SGSM2: variants seen among roughly 807,000 people sequenced by gnomAD.
The protein encoded by SGSM2 is small G protein signaling modulator 2, also known as RUN and TBC1 domain containing 1.
Under a neutral mutation model 126.6 loss-of-function variants are expected in SGSM2, and 89 were observed. That is an observed-to-expected ratio of 0.70 (90% CI 0.59 to 0.84). SGSM2 has a LOEUF of 0.84. Ranked by LOEUF, SGSM2 falls within the 40% of genes least tolerant of loss-of-function variation. The pLI is 0.00. For synonymous variants in SGSM2, 614 were observed against 574.3 expected (o/e 1.07, Z -0.99); for missense variants, 1,404 against 1,416.6 (o/e 0.99, Z 0.14).
At position 2,338,774 on chromosome 17, in the gene SGSM2, A is replaced by AATATATATATATATATATAT. The variant is rs148031213; in HGVS notation, c.57+1044_57+1045insTATATATATATATATATATA. On this transcript the variant is annotated intron_variant, in intron 1 of 23. Transcript: ENST00000268989. ...CCTTGAGTCTCTATGCCGTCTCCCTAATATATATATATATAACCTCACGCC... is the reference window on the plus strand; with the variant it reads ...CCTTGAGTCTCTATGCCGTCTCCCTAATATATATATATATATATATATATATATATATATAACCTCACGCC... Among the ~76,000 whole-genome samples the AATATATATATATATATATAT allele has an allele frequency of 1.7e-3, 225 of 133,914 alleles. 3 individuals are homozygous for AATATATATATATATATATAT. The highest frequency in any genetic ancestry group is 4.3e-3 in the African/African-American group (160 of 37,058). 87.9% of individuals were successfully genotyped at this position (133,914 alleles called of 152,430 possible).
chr17:2,368,916 G>A (rs1379183106), intron 12 of SGSM2, among the ~76,000 whole-genome samples: 1 of 152,174 alleles, frequency 6.6e-6, no homozygotes, highest in African/African-American at 2.4e-5. Context: ...AGAGCCCTTG[G>A]CAGACTCGGT....
chr17:2,372,490 T>G lies in SGSM2; in HGVS notation c.1788+2T>G. On this transcript the variant is annotated splice_donor_variant, in intron 15 of 23. Coordinates refer to ENST00000268989, the MANE Select transcript of SGSM2 (RefSeq NM_014853.3). LOFTEE classifies it high-confidence loss of function. This position sits in a 1 kb window ranked among gnomAD's most constrained non-coding sequence, Gnocchi z 6.0. Reference sequence around the variant, plus strand: ...AGCAAGTATCAGAAGGACAAAAAGGTGCCAACCCTGGGGTTCCAGGGCCAC... The same window carrying G: ...AGCAAGTATCAGAAGGACAAAAAGGGGCCAACCCTGGGGTTCCAGGGCCAC... 2.5e-6 allele frequency: 4 copies of G among 1,596,438 alleles called. No homozygotes were observed. Among genetic ancestry groups the G allele is most frequent in the Non-Finnish European group, 3.4e-6 (4 of 1,175,104 alleles).
intron 2 of SGSM2, among the ~76,000 whole-genome samples, chr17:2,360,330 G>C (rs1047788675): frequency 6.6e-6 from 1 of 152,104 alleles, no homozygotes; most frequent in Non-Finnish European, 1.5e-5. Flanking sequence ...CTGGGCATCA[G>C]AGTGGGTCCC....
In SGSM2 at chr17:2,362,149, G is replaced by A; in HGVS notation, c.337G>A (p.Gly113Ser). The A allele has an allele frequency of 5.6e-6, 9 of 1,613,810 alleles. No individual in the cohort carries two copies. Among genetic ancestry groups the A allele is most frequent in the Non-Finnish European group, 6.8e-6 (8 of 1,179,980 alleles). ...CAGCCAGGAGGCCCTGCGGAGACAGGGCTCAGCCAGCGGGAAGGCCCCGGC... is the reference window on the plus strand; with the variant it reads ...CAGCCAGGAGGCCCTGCGGAGACAGAGCTCAGCCAGCGGGAAGGCCCCGGC... The part of the protein sequence containing the change: ...GVSQEALRRQ[G>S]SASGKAPALS... Residue 113 changes from glycine to serine, a missense_variant, in exon 4 of 24, where the codon GGC (glycine) becomes AGC (serine). Coordinates refer to ENST00000268989, the MANE Select transcript of SGSM2 (RefSeq NM_014853.3). This position sits in a 1 kb window ranked among gnomAD's most constrained non-coding sequence, Gnocchi z 4.9.
intron 2 of SGSM2, among the ~76,000 whole-genome samples, chr17:2,346,829 C>G (rs1307647394): frequency 4.6e-5 from 7 of 152,146 alleles, no homozygotes; most frequent in Non-Finnish European, 1.0e-4. Context: ...TGACTCACAC[C>G]TGCAATCCCA....
chr17:2,371,716 C>A, intron 13 of SGSM2: 1 of 417,958 alleles, frequency 2.4e-6, no homozygotes, highest in East Asian at 4.8e-5. Context: ...GTTGTGCCGG[C>A]ACATCATGGG....
intron 11 of SGSM2, chr17:2,366,876 T>C (rs1019954557): frequency 8.8e-5 from 15 of 170,894 alleles, no homozygotes; most frequent in Non-Finnish European, 1.7e-4. Flanking sequence ...TCTTCAGATT[T>C]GGTCCAGCCT....
intron 17 of SGSM2, chr17:2,374,703 T>A (rs1168573261): frequency 3.3e-5 from 5 of 152,258 alleles, no homozygotes; most frequent in Non-Finnish European, 5.9e-5. Context: ...TTTGTAAAAA[T>A]CTGTCTGTGC....
chr17:2,359,166 G>A (rs1179636724), intron 2 of SGSM2, among the ~76,000 whole-genome samples: 3 of 152,098 alleles, frequency 2.0e-5, no homozygotes, highest in African/African-American at 4.8e-5. Context: ...CGTGAGCCAC[G>A]GCGCCCAGAC....
Position 2,362,729 on chromosome 17 carries a change from GAT to G in SGSM2, c.459-108_459-107del, listed in dbSNP as rs1287874794. 8.9e-7 allele frequency: 1 copy of G among 1,118,676 alleles called. No individual in the cohort carries two copies. The highest frequency in any genetic ancestry group is 1.3e-6 in the Non-Finnish European group (1 of 757,882). The allele number at this position is 1,118,676 out of a possible 1,614,324, so 69.3% of individuals were successfully genotyped here. A position where few individuals can be genotyped will look rare whatever the true frequency, so the allele number is the denominator to read the frequency against. The stretch of plus-strand genomic sequence containing the variant: ...AGTCCCTAAGGACTCACTGTTTCTT[GAT>G]GACTGATCTGAATCTGGTCTTTGTG... On this transcript the variant is annotated intron_variant, in intron 4 of 23. Transcript: ENST00000268989. The surrounding 1 kb of genome is among the most constrained non-coding windows in gnomAD (Gnocchi z 4.9).
chr17:2,363,444 G>A lies in SGSM2; in HGVS notation c.673-21G>A, dbSNP rs778725564. On this transcript the variant is annotated intron_variant, in intron 6 of 23. Coordinates refer to ENST00000268989, the MANE Select transcript of SGSM2 (RefSeq NM_014853.3). This position sits in a 1 kb window ranked among gnomAD's most constrained non-coding sequence, Gnocchi z 4.2. Reference sequence around the variant, plus strand: ...GGCCAGTTTCCCAAGGCTGGAGGCTGAGCCCCGGCCTTCCACACAGATCCG... The same window carrying A: ...GGCCAGTTTCCCAAGGCTGGAGGCTAAGCCCCGGCCTTCCACACAGATCCG... The A allele has an allele frequency of 4.3e-6, 7 of 1,612,012 alleles. No homozygotes were observed. The highest frequency in any genetic ancestry group is 4.0e-5 in the African/African-American group (3 of 74,926).
In SGSM2 at chr17:2,379,094, C is replaced by T; in HGVS notation, c.2958C>T (p.Ile986=). 11 of 1,614,242 alleles carry T rather than the reference C, an allele frequency of 6.8e-6. No individual in the cohort carries two copies. Among genetic ancestry groups the T allele is most frequent in the Non-Finnish European group, 9.3e-6 (11 of 1,180,034 alleles). Residue 986 remains isoleucine, a synonymous_variant, in exon 23 of 24, where the codon ATC becomes ATT. Transcript: ENST00000268989. ...AGGTGATCTGGGCAGCCAGGCACAT[C>T]TCATCGGAGCACTTTGTCCTGTTCA... The part of the protein sequence containing the change: ...VWEVIWAARH[I]SSEHFVLFIA...
chr17:2,340,203 C>G (rs773386918), intron 1 of SGSM2, among the ~76,000 whole-genome samples: 9 of 151,940 alleles, frequency 5.9e-5, no homozygotes, highest in Non-Finnish European at 1.2e-4. Context: ...CAACCTCCAG[C>G]TCCTGGGTTC....
chr17:2,367,431 CCA>C lies in SGSM2; in HGVS notation c.1423+28_1423+29del. The C allele has an allele frequency of 1.2e-6, 2 of 1,604,050 alleles. No individual in the cohort carries two copies. The highest frequency in any genetic ancestry group is 1.7e-6 in the Non-Finnish European group (2 of 1,173,792). The stretch of plus-strand genomic sequence containing the variant: ...GTTCTTATCCCTCCCTCTCCCTGAC[CCA>C]CCTCATCCCCACCCTCCCTCCCGGG... On this transcript the variant is annotated intron_variant, in intron 12 of 23. Coordinates refer to ENST00000268989, the MANE Select transcript of SGSM2 (RefSeq NM_014853.3). The surrounding 1 kb of genome is among the most constrained non-coding windows in gnomAD (Gnocchi z 4.0).
At position 2,362,701 on chromosome 17, in the gene SGSM2, C is replaced by T; in HGVS notation, c.459-137C>T. On this transcript the variant is annotated intron_variant, in intron 4 of 23. Transcript: ENST00000268989. The surrounding 1 kb of genome is among the most constrained non-coding windows in gnomAD (Gnocchi z 4.9). ...TGGCCATACCAGGCACCTCACGAAG[C>T]CCAGTCCCTAAGGACTCACTGTTTC... is the stretch of plus-strand genomic sequence containing the variant. 1 of 867,292 alleles carries T rather than the reference C, an allele frequency of 1.2e-6. No individual in the cohort carries two copies. The allele number at this position is 867,292 out of a possible 1,614,324, so 53.7% of individuals were successfully genotyped here. A position where few individuals can be genotyped will look rare whatever the true frequency, so the allele number is the denominator to read the frequency against.
At chr17:2,376,652 G>A in intron 19 of SGSM2, 81 bp from the exon 20 acceptor site, 1 of 1,464,416 alleles carries the variant, frequency 6.8e-7, no homozygotes, top group Admixed American at 1.7e-5. Flanking sequence ...GCGGCAGGTG[G>A]CTCTGGAGGA....
In SGSM2 at chr17:2,372,116, G is replaced by C; in HGVS notation, c.1578-74G>C. 1 of 1,567,356 alleles carries C rather than the reference G, an allele frequency of 6.4e-7. No individual in the cohort carries two copies. Among genetic ancestry groups the C allele is most frequent in the South Asian group, 1.1e-5 (1 of 89,978 alleles). ...TGCCTTACCTGCCCCCCAGGACAGA[G>C]CCTCCTCCCTTCTCTCTCTCCTCCC... On this transcript the variant is annotated intron_variant, in intron 13 of 23. Coordinates refer to ENST00000268989, the MANE Select transcript of SGSM2 (RefSeq NM_014853.3). The surrounding 1 kb of genome is among the most constrained non-coding windows in gnomAD (Gnocchi z 6.0).
chr17:2,343,817 T>C (rs1043274415), intron 2 of SGSM2, among the ~76,000 whole-genome samples, 197 bp downstream of exon 2: 6 of 152,190 alleles, frequency 3.9e-5, no homozygotes, highest in Non-Finnish European at 5.9e-5. Context: ...GTCAAGAATC[T>C]GCGTATTTTT....
chr17:2,363,327 A>G lies in SGSM2; in HGVS notation c.673-138A>G. 1 of 1,424,816 alleles carries G rather than the reference A, an allele frequency of 7.0e-7. No homozygotes were observed. The highest frequency in any genetic ancestry group is 9.5e-7 in the Non-Finnish European group (1 of 1,055,792). 88.3% of individuals were successfully genotyped at this position (1,424,816 alleles called of 1,614,324 possible). On this transcript the variant is annotated intron_variant, in intron 6 of 23. Transcript: ENST00000268989. This position sits in a 1 kb window ranked among gnomAD's most constrained non-coding sequence, Gnocchi z 4.2. ...CCATGCTGGTCCGTGGCTGGAGAGC[A>G]GAGGGTGGCTGGGAGTAAACCGGGG... is the stretch of plus-strand genomic sequence containing the variant.
Sources: allele counts gnomAD v4.1 joint callset (sites outside exome capture counted in the v4.1 genomes callset), GRCh38; gene constraint gnomAD v4.1.1; non-coding constraint Gnocchi (gnomAD v3.1); transcripts MANE v1.5; gene names NCBI Gene and HGNC (gene_info 2026-07-23, HGNC 2026-07-21).